Variants in ZC3H8 observed in about 807,000 individuals in gnomAD.
ZC3H8 encodes the protein zinc finger CCCH-type containing 8.
A neutral mutation model predicts 42.5 loss-of-function variants in ZC3H8; 27 were observed. The observed-to-expected ratio is 0.64, with a 90% CI of 0.47 to 0.88. ZC3H8 has a LOEUF of 0.88. Among genes scored for constraint, ZC3H8 ranks in the 40% least tolerant of loss-of-function variants. ZC3H8 has a pLI of 0.00. For synonymous variants in ZC3H8, 101 were observed against 110.1 expected (o/e 0.92, Z 0.52); for missense variants, 277 against 336.1 (o/e 0.82, Z 1.37).
chr2:112,238,579 A>G, intron 2 of ZC3H8, 51 bp from the exon 3 acceptor site: 3 of 1,470,720 alleles, frequency 2.0e-6, no homozygotes, highest in Non-Finnish European at 1.8e-6. Context: ...GATTCAAAAC[A>G]ATCTGGCTAT....
chr2:112,252,388 A>G (rs748646370), intron 1 of ZC3H8, among the ~76,000 whole-genome samples: 14 of 152,176 alleles, frequency 9.2e-5, no homozygotes, highest in Non-Finnish European at 1.8e-4. Context: ...AGTTTATTCT[A>G]TCTTCAACAT....
chr2:112,231,877 A>C lies in ZC3H8; in HGVS notation c.804T>G (p.His268Gln). 6.3e-7 allele frequency: 1 copy of C among 1,594,698 alleles called. No homozygotes were observed. The highest frequency in any genetic ancestry group is 8.6e-7 in the Non-Finnish European group (1 of 1,167,636). Residue 268 changes from histidine (H) to glutamine (Q), a missense_variant, in exon 7 of 9, where the codon CAT becomes CAG. Transcript: ENST00000409573. ...CTTGTGTTTCAGGAGTCAGTGGAGC[A>C]TGAGAAAACTTGCAGTATTCTCCCT... ...CYQGEYCKFS[H>Q]APLTPETQEL...
At chr2:112,249,346 C>A (rs894130971) in intron 2 of ZC3H8, among the ~76,000 whole-genome samples, 1 of 152,212 alleles carries the variant, frequency 6.6e-6, no homozygotes, top group Non-Finnish European at 1.5e-5. Flanking sequence ...TGAATAGATT[C>A]TTCCCCACAG....
intron 1 of ZC3H8, among the ~76,000 whole-genome samples, chr2:112,250,904 T>A (rs1303924003): frequency 6.6e-6 from 1 of 152,172 alleles, no homozygotes; most frequent in African/African-American, 2.4e-5. Flanking sequence ...GAAAAACTGT[T>A]TTCAGACTTA....
chr2:112,228,402 T>C (rs898370957), intron 8 of ZC3H8, among the ~76,000 whole-genome samples: 1 of 151,570 alleles, frequency 6.6e-6, no homozygotes, highest in African/African-American at 2.4e-5. Flanking sequence ...CTCGGGATGC[T>C]GAGGCATGAG....
chr2:112,217,062 A>C (rs868052676), intron 8 of ZC3H8, among the ~76,000 whole-genome samples: 8 of 152,280 alleles, frequency 5.3e-5, no homozygotes, highest in African/African-American at 1.9e-4. Flanking sequence ...ACAAACCTAA[A>C]AATTATTCAG....
In ZC3H8 at chr2:112,238,460, T is replaced by C. The variant is rs199657054; in HGVS notation, c.225A>G (p.Val75=). ...GACTGCAGATATCATTATCACTATA[T>C]ACATCATAGTCCTTACTTCTTGATT... ...HRKSRSKDYD[V]YSDNDICSQE... is the part of the protein sequence containing the mutation. The change falls in exon 3 of 9, where the codon GTA becomes GTG. Residue 75 remains valine (V), a synonymous_variant. Coordinates refer to ENST00000409573, the MANE Select transcript of ZC3H8 (RefSeq NM_032494.3). 5.1e-5 allele frequency: 83 copies of C among 1,613,382 alleles called. No individual in the cohort carries two copies. The highest frequency in any genetic ancestry group is 6.4e-5 in the Non-Finnish European group (75 of 1,179,874).
rs1441323604 is a variant in ZC3H8 at position 112,212,716 on chromosome 2, T to C, written c.*3768A>G. Reference sequence around the variant, plus strand: ...CTTCAGCTAGCACCCCTTGAAATCTTAAGACAGCTGTCTCTGTTCTGGTGT... The same window carrying C: ...CTTCAGCTAGCACCCCTTGAAATCTCAAGACAGCTGTCTCTGTTCTGGTGT... On this transcript the variant is annotated 3_prime_UTR_variant, in exon 9 of 9. Transcript: ENST00000409573. 5 of 152,210 alleles carry C rather than the reference T, an allele frequency of 3.3e-5. No homozygotes were observed. The highest frequency in any genetic ancestry group is 7.3e-5 in the Non-Finnish European group (5 of 68,046). The allele number at this position is 152,210 out of a possible 1,614,324, so 9.4% of individuals were successfully genotyped here. A position where few individuals can be genotyped will look rare whatever the true frequency, so the allele number is the denominator to read the frequency against.
At chr2:112,254,568 A>T (rs1432492967) in intron 1 of ZC3H8, among the ~76,000 whole-genome samples, 1 of 152,222 alleles carries the variant, frequency 6.6e-6, no homozygotes, top group African/African-American at 2.4e-5. Context: ...GTAAAGACAG[A>T]CGCTACGGGA....
At chr2:112,234,683 C>T (rs963608229) in intron 4 of ZC3H8, among the ~76,000 whole-genome samples, 2 of 151,860 alleles carry the variant, frequency 1.3e-5, no homozygotes, top group African/African-American at 4.8e-5. Flanking sequence ...GCCTGTAAGC[C>T]CAGCTACTCT....
intron 8 of ZC3H8, among the ~76,000 whole-genome samples, chr2:112,219,712 T>A (rs1029347693): frequency 7.9e-5 from 12 of 152,032 alleles, no homozygotes; most frequent in African/African-American, 2.9e-4. Context: ...TTTTAGAGTA[T>A]GTGTTATGTG....
chr2:112,237,867 A>G (rs1685412567), intron 3 of ZC3H8, among the ~76,000 whole-genome samples: 1 of 152,174 alleles, frequency 6.6e-6, no homozygotes, highest in Non-Finnish European at 1.5e-5. Flanking sequence ...ATGCCTGGCC[A>G]AAAATTTCAT....
At chr2:112,225,206 T>C (rs943335516) in intron 8 of ZC3H8, among the ~76,000 whole-genome samples, 6 of 152,190 alleles carry the variant, frequency 3.9e-5, no homozygotes, top group Non-Finnish European at 7.3e-5. Context: ...GTGCAATTCA[T>C]TGACTGTTCT....
intron 8 of ZC3H8, among the ~76,000 whole-genome samples, chr2:112,225,822 C>T (rs1684799578): frequency 6.6e-6 from 1 of 151,084 alleles, no homozygotes; most frequent in Non-Finnish European, 1.5e-5. Flanking sequence ...TGGCTCACGC[C>T]TGTAATCCCA....
intron 2 of ZC3H8, among the ~76,000 whole-genome samples, chr2:112,248,127 A>G (rs569486995): frequency 4.7e-4 from 71 of 152,300 alleles, no homozygotes; most frequent in African/African-American, 1.7e-3. Flanking sequence ...GGAGTTTGAG[A>G]CCAGCCTGGG....
chr2:112,235,461 C>A (rs1184060437), intron 4 of ZC3H8, among the ~76,000 whole-genome samples: 1 of 152,162 alleles, frequency 6.6e-6, no homozygotes, highest in Admixed American at 6.5e-5. Flanking sequence ...CCCTGTGTGA[C>A]TATGGGTAAT....
At chr2:112,249,042 C>CA (rs954391956) in intron 2 of ZC3H8, among the ~76,000 whole-genome samples, 2 of 151,988 alleles carry the variant, frequency 1.3e-5, no homozygotes, top group Non-Finnish European at 2.9e-5. Flanking sequence ...TTTTTCTCTA[C>CA]AAAAAACACA....
At chr2:112,239,938 T>C in intron 2 of ZC3H8, among the ~76,000 whole-genome samples, 1 of 152,138 alleles carries the variant, frequency 6.6e-6, no homozygotes, top group East Asian at 1.9e-4. Flanking sequence ...CACCAGAGGA[T>C]TGATTATAAG....
intron 8 of ZC3H8, among the ~76,000 whole-genome samples, chr2:112,222,326 A>G (rs1383606475): frequency 6.6e-6 from 1 of 152,124 alleles, no homozygotes; most frequent in Non-Finnish European, 1.5e-5. Flanking sequence ...TTCAGGTAGA[A>G]GTGGGACCAC....
Sources: allele counts gnomAD v4.1 joint callset (sites outside exome capture counted in the v4.1 genomes callset), GRCh38; gene constraint gnomAD v4.1.1; transcripts MANE v1.5; gene names NCBI Gene and HGNC (gene_info 2026-07-23, HGNC 2026-07-21).